Variants in PIK3C2A observed in about 807,000 individuals in gnomAD.
PIK3C2A encodes phosphatidylinositol-4-phosphate 3-kinase catalytic subunit type 2 alpha.
Under a neutral mutation model 204.5 loss-of-function variants are expected in PIK3C2A, and 97 were observed. That is an observed-to-expected ratio of 0.47 (90% confidence interval 0.40 to 0.56). The LOEUF (loss-of-function observed/expected upper bound fraction) is 0.56, where lower values mean the gene tolerates loss of function less well. Among genes scored for constraint, PIK3C2A ranks in the 20% least tolerant of loss-of-function variants. PIK3C2A has a pLI of 0.00. For synonymous variants in PIK3C2A, 653 were observed against 664.4 expected (o/e 0.98, Z 0.26); for missense variants, 1,735 against 1,969.2 (o/e 0.88, Z 2.25).
intron 12 of PIK3C2A, among the ~76,000 whole-genome samples, chr11:17,130,524 G>T (rs1394403298): frequency 6.6e-6 from 1 of 152,064 alleles, no homozygotes; most frequent in Non-Finnish European, 1.5e-5. Context: ...ACTATTTTAG[G>T]CCGGGCACAG....
At chr11:17,145,604 A>G in intron 8 of PIK3C2A, 64 bp downstream of exon 8, 1 of 929,578 alleles carries the variant, frequency 1.1e-6, no homozygotes, top group African/African-American at 1.6e-5. Context: ...CAACACTACC[A>G]TTTAAGAGAA....
In PIK3C2A at chr11:17,122,825, TA is replaced by T. The variant is rs1350800133; in HGVS notation, c.2400-13del. Reference sequence around the variant, plus strand: ...CACATGTTAAAAACCTTCACGGATGTAAAAATAATAATGTGATTTTCATTTT... The same window carrying T: ...CACATGTTAAAAACCTTCACGGATGTAAAATAATAATGTGATTTTCATTTT... On this transcript the variant is annotated splice_polypyrimidine_tract_variant and intron_variant, in intron 13 of 32. Transcript: ENST00000691414. The T allele has an allele frequency of 1.0e-6, 1 of 998,004 alleles. No homozygotes were observed. Among genetic ancestry groups the T allele is most frequent in the Non-Finnish European group, 1.5e-6 (1 of 647,058 alleles). 61.8% of individuals were successfully genotyped at this position (998,004 alleles called of 1,614,324 possible).
chr11:17,170,559 TTAAA>T (rs1337541450), intron 1 of PIK3C2A, among the ~76,000 whole-genome samples: 1 of 152,176 alleles, frequency 6.6e-6, no homozygotes, highest in African/African-American at 2.4e-5. Context: ...TTCAAAATCC[TTAAA>T]TATTTTTATT....
At chr11:17,163,658 C>T (rs1850854320) in intron 2 of PIK3C2A, among the ~76,000 whole-genome samples, 1 of 152,082 alleles carries the variant, frequency 6.6e-6, no homozygotes, top group South Asian at 2.1e-4. Flanking sequence ...AAGCAATCCT[C>T]CCACCTCGGC....
At chr11:17,137,994 C>A in intron 8 of PIK3C2A, 2 of 594,440 alleles carry the variant, frequency 3.4e-6, no homozygotes, top group South Asian at 1.5e-5. Flanking sequence ...CTTTCTGACT[C>A]CCTGCTTGTG....
In PIK3C2A at chr11:17,087,103, G is replaced by A. The variant is rs1275261226; in HGVS notation, c.*2635C>T. ...CATTATCTTCAAATCCCAAAACACTGGCAAGAAGAAATAATTCTTCTGATG... is the reference window on the plus strand; with the variant it reads ...CATTATCTTCAAATCCCAAAACACTAGCAAGAAGAAATAATTCTTCTGATG... On this transcript the variant is annotated 3_prime_UTR_variant, in exon 33 of 33. Coordinates refer to ENST00000691414, the MANE Select transcript of PIK3C2A (RefSeq NM_002645.4). 1 of 152,018 alleles carries A rather than the reference G, an allele frequency of 6.6e-6. No individual in the cohort carries two copies. The highest frequency in any genetic ancestry group is 1.5e-5 in the Non-Finnish European group (1 of 67,992). The allele number at this position is 152,018 out of a possible 1,614,324, so 9.4% of individuals were successfully genotyped here.
chr11:17,141,978 A>C (rs1043053049), intron 8 of PIK3C2A, among the ~76,000 whole-genome samples: 1 of 152,226 alleles, frequency 6.6e-6, no homozygotes, highest in Non-Finnish European at 1.5e-5. Context: ...ATTTATTAAA[A>C]AGGGAAATAA....
chr11:17,195,286 G>A (rs1397350954), intron 1 of PIK3C2A, among the ~76,000 whole-genome samples: 10 of 151,696 alleles, frequency 6.6e-5, no homozygotes, highest in Admixed American at 2.0e-4. Context: ...GGTGGCAGGC[G>A]CCTGTAATCC....
rs769221474 is a variant in PIK3C2A, at chr11:17,169,688, C to T, written c.54G>A (p.Pro18=). The change falls in exon 2 of 33, where the codon CCG becomes CCA. Residue 18 remains proline, a synonymous_variant. Transcript: ENST00000691414. ...SGFKECPSSH[P]EPTRAKDVDK... ...CCACATCTTTTGCTCTTGTTGGTTCCGGATGTGAAGATGGACATTCTTTAA... is the reference window on the plus strand; with the variant it reads ...CCACATCTTTTGCTCTTGTTGGTTCTGGATGTGAAGATGGACATTCTTTAA... 2.4e-5 allele frequency: 39 copies of T among 1,609,928 alleles called. No homozygotes were observed. Among genetic ancestry groups the T allele is most frequent in the South Asian group, 6.6e-5 (6 of 90,914 alleles).
chr11:17,092,145 T>C lies in PIK3C2A; in HGVS notation c.4569+14A>G. 1.3e-6 allele frequency: 2 copies of C among 1,498,188 alleles called. No homozygotes were observed. The highest frequency in any genetic ancestry group is 1.9e-6 in the Non-Finnish European group (2 of 1,074,576). The allele number at this position is 1,498,188 out of a possible 1,614,324, so 92.8% of individuals were successfully genotyped here. On this transcript the variant is annotated intron_variant, in intron 29 of 32. Coordinates refer to ENST00000691414, the MANE Select transcript of PIK3C2A (RefSeq NM_002645.4). Reference sequence around the variant, plus strand: ...AGGTATAAGATGTTATTACTTCTCATTTAGTAAGGTTACCTCTGCTACATC... The same window carrying C: ...AGGTATAAGATGTTATTACTTCTCACTTAGTAAGGTTACCTCTGCTACATC...
At chr11:17,202,912 T>C (rs1194602692) in intron 1 of PIK3C2A, among the ~76,000 whole-genome samples, 3 of 152,222 alleles carry the variant, frequency 2.0e-5, no homozygotes, top group Non-Finnish European at 2.9e-5. Flanking sequence ...ACTGTTATAC[T>C]GTAATACTAA....
At chr11:17,129,777 A>G (rs552997291) in intron 12 of PIK3C2A, among the ~76,000 whole-genome samples, 2 of 152,224 alleles carry the variant, frequency 1.3e-5, no homozygotes, top group South Asian at 4.2e-4. Context: ...TTTTTAGTAG[A>G]GACGGGGTTT....
chr11:17,107,630 A>G (rs1848867082), intron 22 of PIK3C2A, among the ~76,000 whole-genome samples: 1 of 152,210 alleles, frequency 6.6e-6, no homozygotes, highest in South Asian at 2.1e-4. Context: ...CTATCTGGAT[A>G]TCCTACTATG....
At position 17,145,908 on chromosome 11, in the gene PIK3C2A, T is replaced by C. The variant is rs148684462; in HGVS notation, c.1595A>G (p.Lys532Arg). Residue 532 changes from lysine (K) to arginine (R), a missense_variant, in exon 7 of 33, where the codon AAA (lysine) becomes AGA (arginine). This residue lies in a region of PIK3C2A where 106 missense variants were observed against 108.2 expected (regional missense o/e 0.98). Coordinates refer to ENST00000691414, the MANE Select transcript of PIK3C2A (RefSeq NM_002645.4). ...EDDETPVDLNKHLYQIEKPCK... is the reference protein window; with the variant it reads ...EDDETPVDLNRHLYQIEKPCK... ...AGGTTTTTCTATTTGATACAGGTGTTTGTTTAAATCCACGGGTGTTTCATC... is the reference window on the plus strand; with the variant it reads ...AGGTTTTTCTATTTGATACAGGTGTCTGTTTAAATCCACGGGTGTTTCATC... 140 of 1,613,648 alleles carry C rather than the reference T, an allele frequency of 8.7e-5. No homozygotes were observed. The African/African-American group carries it at 1.6e-3, about 19-fold the overall frequency.
rs1343839748 is a variant in PIK3C2A at position 17,117,622 on chromosome 11, GT to G, written c.3084del (p.Glu1028AspfsTer10). The G allele has an allele frequency of 6.2e-7, 1 of 1,604,582 alleles. No individual in the cohort carries two copies. The highest frequency in any genetic ancestry group is 8.5e-7 in the Non-Finnish European group (1 of 1,174,666). On this transcript the variant is annotated frameshift_variant, in exon 19 of 33. Coordinates refer to ENST00000691414, the MANE Select transcript of PIK3C2A (RefSeq NM_002645.4). LOFTEE classifies it high-confidence loss of function. ...LHDVQFSTRY[E>X]HVLGALLSVG... is the part of the protein sequence containing the mutation. ...ACTGACAGGAGAGCACCCAAAACAT[GT>G]TCGTATCGGGTACTAAACTGTACAT...
At chr11:17,197,703 T>C (rs1312877483) in intron 1 of PIK3C2A, among the ~76,000 whole-genome samples, 3 of 152,204 alleles carry the variant, frequency 2.0e-5, no homozygotes, top group Non-Finnish European at 2.9e-5. Flanking sequence ...TACTGCTTTG[T>C]GGAGATAATT....
chr11:17,121,597 C>T (rs1290986711), intron 15 of PIK3C2A, among the ~76,000 whole-genome samples: 1 of 152,128 alleles, frequency 6.6e-6, no homozygotes, highest in Admixed American at 6.6e-5. Context: ...TATACTTCTG[C>T]AAATAGTATA....
At chr11:17,195,734 C>CTTCA (rs1176761702) in intron 1 of PIK3C2A, among the ~76,000 whole-genome samples, 9 of 132,718 alleles carry the variant, frequency 6.8e-5, no homozygotes, top group South Asian at 5.3e-4. Flanking sequence ...CAGAGCAAGA[C>CTTCA]TCTATTGCAA....
chr11:17,187,166 CT>C (rs1851779937), intron 1 of PIK3C2A, among the ~76,000 whole-genome samples: 1 of 151,946 alleles, frequency 6.6e-6, no homozygotes, highest in Non-Finnish European at 1.5e-5. Context: ...TGAGATTGCC[CT>C]GGGAGAATGT....
Sources: allele counts gnomAD v4.1 joint callset (sites outside exome capture counted in the v4.1 genomes callset), GRCh38; gene constraint gnomAD v4.1.1; regional missense constraint gnomAD v4.1.1; transcripts MANE v1.5; gene names NCBI Gene and HGNC (gene_info 2026-07-23, HGNC 2026-07-21).